The following EEPD1 variants were observed in gnomAD, a reference collection of about 807,000 sequenced individuals.
The protein encoded by EEPD1 is endonuclease/exonuclease/phosphatase family domain-containing protein 1.
Under a neutral mutation model 46.3 loss-of-function variants are expected in EEPD1, and 17 were observed. The observed-to-expected ratio is 0.37, with a 90% CI of 0.25 to 0.55. EEPD1 has a LOEUF of 0.55. EEPD1 is among the 20% of genes least tolerant of loss of function. The probability of loss-of-function intolerance (pLI) is 0.83; values close to 1 mark genes in which losing one functional copy is unlikely to be tolerated. For missense variants in EEPD1, 673 were observed against 745.6 expected (o/e 0.90, Z 1.13); for synonymous variants, 313 against 315.6 (o/e 0.99, Z 0.09).
At chr7:36,178,230 C>T (rs926308552) in intron 2 of EEPD1, among the ~76,000 whole-genome samples, 2 of 150,908 alleles carry the variant, frequency 1.3e-5, no homozygotes, top group African/African-American at 5.0e-5. Context: ...CTGCCATCCC[C>T]GCGGTTACTG....
intron 2 of EEPD1, among the ~76,000 whole-genome samples, chr7:36,179,896 C>T (rs1785243807): frequency 6.6e-6 from 1 of 152,120 alleles, no homozygotes; most frequent in Non-Finnish European, 1.5e-5. Flanking sequence ...AGCACAGTTA[C>T]CTGAGTCACC....
At chr7:36,161,135 TGG>T (rs1222474713) in intron 2 of EEPD1, among the ~76,000 whole-genome samples, 1 of 152,162 alleles carries the variant, frequency 6.6e-6, no homozygotes, top group Non-Finnish European at 1.5e-5. Flanking sequence ...GGGCTTGCTC[TGG>T]GGACTTTAGG....
chr7:36,211,699 C>T (rs112540564), intron 2 of EEPD1, among the ~76,000 whole-genome samples: 5,925 of 152,046 alleles, frequency 0.039, 384 homozygotes, highest in African/African-American at 0.14. Context: ...CCAAGGCGTG[C>T]GGATCAACTG....
intron 3 of EEPD1, among the ~76,000 whole-genome samples, chr7:36,272,070 A>G (rs1002836459): frequency 2.0e-5 from 3 of 151,850 alleles, no homozygotes; most frequent in Admixed American, 6.6e-5. Context: ...TTTAGTAGAG[A>G]CAGGGTTTCA....
chr7:36,154,105 T>C lies in EEPD1; in HGVS notation c.-192-28T>C. The C allele has an allele frequency of 1.7e-6, 1 of 603,988 alleles. No individual in the cohort carries two copies. The highest frequency in any genetic ancestry group is 2.9e-6 in the Non-Finnish European group (1 of 348,036). The allele number at this position is 603,988 out of a possible 1,614,324, so 37.4% of individuals were successfully genotyped here. A position where few individuals can be genotyped will look rare whatever the true frequency, so the allele number is the denominator to read the frequency against. On this transcript the variant is annotated intron_variant, in intron 1 of 7. Transcript: ENST00000242108. This position sits in a 1 kb window ranked among gnomAD's most constrained non-coding sequence, Gnocchi z 4.2. ...AATGCAAATTTCTTAATTCAATGGG[T>C]TTCTATGTTTATTGATTTATTTTCT...
chr7:36,190,174 C>T (rs1316439421), intron 2 of EEPD1, among the ~76,000 whole-genome samples: 2 of 152,154 alleles, frequency 1.3e-5, no homozygotes, highest in African/African-American at 4.8e-5. Flanking sequence ...GAATTTGAGA[C>T]CTGCCTGAGC....
rs1404258727 is a variant in EEPD1 at position 36,299,166 on chromosome 7, C to A, written c.1670C>A (p.Ala557Asp). Residue 557 changes from alanine to aspartate, a missense_variant, in exon 8 of 8, where the codon GCC becomes GAC. Transcript: ENST00000242108. ...GCCCCTCGGAACGGCAGCGGGGTGG[C>A]CTTGGAGCGAAGTGAAGCCAACATC... ...KDAPRNGSGVALERSEANIKH... is the reference protein window; with the variant it reads ...KDAPRNGSGVDLERSEANIKH... The A allele has an allele frequency of 6.2e-7, 1 of 1,614,180 alleles. No homozygotes were observed.
At chr7:36,171,991 T>C (rs1785091438) in intron 2 of EEPD1, among the ~76,000 whole-genome samples, 1 of 152,222 alleles carries the variant, frequency 6.6e-6, no homozygotes, top group African/African-American at 2.4e-5. Context: ...AAAAAAATGC[T>C]TATAGATGTT....
intron 2 of EEPD1, among the ~76,000 whole-genome samples, chr7:36,222,940 C>T (rs2115749274): frequency 6.6e-6 from 1 of 152,290 alleles, no homozygotes; most frequent in Middle Eastern, 3.4e-3. Context: ...CGCTTGAGGT[C>T]AGGAGTTCGA....
At chr7:36,214,332 C>T (rs1414071428) in intron 2 of EEPD1, among the ~76,000 whole-genome samples, 2 of 152,132 alleles carry the variant, frequency 1.3e-5, no homozygotes, top group Non-Finnish European at 2.9e-5. Context: ...TTTGGTTTTT[C>T]AGACAGCATC....
intron 1 of EEPD1, among the ~76,000 whole-genome samples, 177 bp from the exon 2 acceptor site, chr7:36,153,956 C>T (rs75050966): frequency 0.011 from 1,739 of 152,216 alleles, 16 homozygotes; most frequent in Non-Finnish European, 0.017. Context: ...TGATAAAACC[C>T]GGACGTCCCT....
chr7:36,165,629 C>T (rs1194282215), intron 2 of EEPD1, among the ~76,000 whole-genome samples: 1 of 86,084 alleles, frequency 1.2e-5, no homozygotes, highest in Non-Finnish European at 2.9e-5. Context: ...TTAGTAGAGA[C>T]AGGGTTTCCA....
chr7:36,163,639 G>A (rs2115608228), intron 2 of EEPD1, among the ~76,000 whole-genome samples: 1 of 152,284 alleles, frequency 6.6e-6, no homozygotes, highest in Non-Finnish European at 1.5e-5. Context: ...CAGCACTTTG[G>A]GAGGCCGAGG....
At chr7:36,240,952 A>C (rs1262502646) in intron 3 of EEPD1, among the ~76,000 whole-genome samples, 1 of 152,228 alleles carries the variant, frequency 6.6e-6, no homozygotes, top group African/African-American at 2.4e-5. Context: ...ACTTATTCTC[A>C]AATGATTCAA....
Position 36,281,151 on chromosome 7 carries a change from A to G in EEPD1, c.967A>G (p.Ile323Val). 2.5e-6 allele frequency: 4 copies of G among 1,614,110 alleles called. No homozygotes were observed. Among genetic ancestry groups the G allele is most frequent in the Non-Finnish European group, 3.4e-6 (4 of 1,180,028 alleles). Residue 323 changes from isoleucine to valine, a missense_variant, in exon 4 of 8, where the codon ATC becomes GTC. Coordinates refer to ENST00000242108, the MANE Select transcript of EEPD1 (RefSeq NM_030636.3). ...TELNQPTLPN[I>V]RKWKGPRGCW... Reference sequence around the variant, plus strand: ...GCTAAACCAGCCGACCCTGCCCAACATCCGCAAGTGGAAGGGGCCCCGGGG... The same window carrying G: ...GCTAAACCAGCCGACCCTGCCCAACGTCCGCAAGTGGAAGGGGCCCCGGGG...
chr7:36,179,173 G>A (rs891796015), intron 2 of EEPD1, among the ~76,000 whole-genome samples: 8 of 152,248 alleles, frequency 5.3e-5, no homozygotes, highest in Non-Finnish European at 8.8e-5. Flanking sequence ...GGGATTTAGT[G>A]GTTTACTACC....
At chr7:36,165,727 A>T (rs1287238084) in intron 2 of EEPD1, among the ~76,000 whole-genome samples, 2 of 151,906 alleles carry the variant, frequency 1.3e-5, no homozygotes, top group Admixed American at 1.3e-4. Flanking sequence ...GTGAGCCACC[A>T]TGCCCGGCCC....
At position 36,154,553 on chromosome 7, in the gene EEPD1, G is replaced by A. The variant is rs1183855124; in HGVS notation, c.229G>A (p.Val77Met). Reference protein sequence around the residue: ...YREYIGGFKKVEDLALVSGVG... With the variant: ...YREYIGGFKKMEDLALVSGVG... ...AGAGTATATCGGTGGCTTCAAGAAG[G>A]TGGAGGACCTGGCATTGGTCAGTGG... The change falls in exon 2 of 8, where the codon GTG (valine) becomes ATG (methionine). Residue 77 changes from valine to methionine, a missense_variant. By Grantham distance (21) the Val-to-Met change is conservative. Coordinates refer to ENST00000242108, the MANE Select transcript of EEPD1 (RefSeq NM_030636.3). The surrounding 1 kb of genome is among the most constrained non-coding windows in gnomAD (Gnocchi z 4.2). 2.5e-6 allele frequency: 4 copies of A among 1,614,198 alleles called. No homozygotes were observed. Among genetic ancestry groups the A allele is most frequent in the Non-Finnish European group, 3.4e-6 (4 of 1,180,028 alleles).
chr7:36,161,235 A>G (rs907965978), intron 2 of EEPD1, among the ~76,000 whole-genome samples: 3 of 152,206 alleles, frequency 2.0e-5, no homozygotes, highest in African/African-American at 7.2e-5. Context: ...GGTCAGAGGC[A>G]TGGGCGCAGG....
Sources: allele counts gnomAD v4.1 joint callset (sites outside exome capture counted in the v4.1 genomes callset), GRCh38; gene constraint gnomAD v4.1.1; non-coding constraint Gnocchi (gnomAD v3.1); transcripts MANE v1.5; gene names NCBI Gene and HGNC (gene_info 2026-07-23, HGNC 2026-07-21).